PLCG2: variants seen among roughly 807,000 people sequenced by gnomAD.
PLCG2 encodes the protein 1-phosphatidylinositol 4,5-bisphosphate phosphodiesterase gamma-2.
Under a neutral mutation model 175.6 loss-of-function variants are expected in PLCG2, and 69 were observed. The observed-to-expected ratio is 0.39, with a 90% confidence interval of 0.32 to 0.48. The LOEUF is 0.48. Ranked by LOEUF, PLCG2 falls within the 20% of genes least tolerant of loss-of-function variation. The pLI is 0.91. For synonymous variants in PLCG2, 827 were observed against 624.0 expected (o/e 1.33, Z -4.85); for missense variants, 1,798 against 1,650.9 (o/e 1.09, Z -1.54).
rs1445659755 is a variant in PLCG2 at position 81,953,656 on chromosome 16, A to T, written c.3571-3039A>T. ...AAGAAATCCAGGAAATAAGTATCAC[A>T]AAATGCTTTCTCTTGACTAGAGTGG... On this transcript the variant is annotated intron_variant, in intron 31 of 32. Coordinates refer to ENST00000564138, the MANE Select transcript of PLCG2 (RefSeq NM_002661.5). Among the ~76,000 whole-genome samples the T allele has an allele frequency of 2.6e-5, 4 of 152,234 alleles. No homozygotes were observed. The East Asian group carries it at 7.7e-4, about 29-fold the overall frequency.
chr16:81,889,359 C>T, intron 10 of PLCG2, 86 bp downstream of exon 10: 2 of 752,936 alleles, frequency 2.7e-6, no homozygotes, highest in South Asian at 1.6e-5. Context: ...GTTTGTCTTT[C>T]CTTGGAGAAC....
chr16:81,850,272 AT>A (rs968922466), intron 2 of PLCG2, among the ~76,000 whole-genome samples: 1 of 152,178 alleles, frequency 6.6e-6, no homozygotes, highest in African/African-American at 2.4e-5. Context: ...AAGTGTGCTC[AT>A]TTTTTTGAGA....
intron 7 of PLCG2, among the ~76,000 whole-genome samples, chr16:81,876,016 C>CTTTTTTTTTTTTTTTT (rs547152035): frequency 4.1e-4 from 47 of 115,006 alleles, no homozygotes; most frequent in South Asian, 5.9e-4. Flanking sequence ...CTTTTTCTTT[C>CTTTTTTTTTTTTTTTT]TTTTTTTTTT....
intron 30 of PLCG2, among the ~76,000 whole-genome samples, chr16:81,943,442 G>A (rs371832603): frequency 6.6e-6 from 1 of 152,128 alleles, no homozygotes; most frequent in African/African-American, 2.4e-5. Context: ...TCACTATCAT[G>A]AGAACAGCAA....
At chr16:81,766,886 C>T (rs1267781734) in intron 2 of PLCG2, 1 of 152,242 alleles carries the variant, frequency 6.6e-6, no homozygotes, top group Non-Finnish European at 1.5e-5. Flanking sequence ...CTACAGCCCA[C>T]AGAAGATCTT....
chr16:81,900,476 G>A, intron 13 of PLCG2, 136 bp from the exon 14 acceptor site: 1 of 648,274 alleles, frequency 1.5e-6, no homozygotes, highest in Non-Finnish European at 2.5e-6. Flanking sequence ...CCTTCTGGGA[G>A]GGCAGATGTG....
intron 2 of PLCG2, among the ~76,000 whole-genome samples, chr16:81,835,183 A>G (rs541861739): frequency 2.6e-5 from 4 of 152,310 alleles, no homozygotes; most frequent in African/African-American, 9.6e-5. Flanking sequence ...TGTCTGCAAA[A>G]TGGGTATAAT....
At chr16:81,901,772 T>G (rs1233388744) in intron 14 of PLCG2, among the ~76,000 whole-genome samples, 3 of 152,256 alleles carry the variant, frequency 2.0e-5, no homozygotes, top group African/African-American at 7.2e-5. Context: ...ACTTTGGAAT[T>G]ATGGAGGTTA....
chr16:81,884,074 G>C (rs1027023917), intron 9 of PLCG2, among the ~76,000 whole-genome samples: 1 of 152,220 alleles, frequency 6.6e-6, no homozygotes, highest in Admixed American at 6.5e-5. Flanking sequence ...TTCAGGGCCG[G>C]GTAGGGTGGC....
intron 31 of PLCG2, 125 bp downstream of exon 31, chr16:81,946,388 G>A: frequency 8.6e-6 from 6 of 697,704 alleles, no homozygotes; most frequent in Non-Finnish European, 1.6e-5. Context: ...CCAAGCATGA[G>A]ACATCATACA....
chr16:81,745,591 T>C (rs146850057), intron 1 of PLCG2, among the ~76,000 whole-genome samples: 1 of 152,316 alleles, frequency 6.6e-6, no homozygotes, highest in East Asian at 1.9e-4. Flanking sequence ...ATGGGCTGCA[T>C]GTAGTTGGCT....
intron 9 of PLCG2, 63 bp downstream of exon 9, chr16:81,883,404 C>A (rs867693270): frequency 7.4e-7 from 1 of 1,355,856 alleles, no homozygotes; most frequent in African/African-American, 1.4e-5. Context: ...GGACTAGTCT[C>A]ACCCTTCTGC....
intron 2 of PLCG2, among the ~76,000 whole-genome samples, chr16:81,804,708 G>C (rs571095545): frequency 3.8e-4 from 58 of 152,228 alleles, no homozygotes; most frequent in South Asian, 1.0e-3. Flanking sequence ...TTTGGTGACC[G>C]TTTTCCCAGA....
At chr16:81,744,263 G>A (rs1011757437) in intron 1 of PLCG2, among the ~76,000 whole-genome samples, 1 of 150,726 alleles carries the variant, frequency 6.6e-6, no homozygotes, top group Non-Finnish European at 1.5e-5. Context: ...CGGCTCCTGG[G>A]TTCACGCCAT....
intron 31 of PLCG2, among the ~76,000 whole-genome samples, chr16:81,949,060 G>C (rs1207841115): frequency 6.6e-6 from 1 of 152,182 alleles, no homozygotes; most frequent in Non-Finnish European, 1.5e-5. Context: ...AAAGAGATCT[G>C]CATTAGTGAC....
chr16:81,839,963 A>C (rs1290702675), intron 2 of PLCG2, among the ~76,000 whole-genome samples: 1 of 152,192 alleles, frequency 6.6e-6, no homozygotes, highest in Non-Finnish European at 1.5e-5. Context: ...AGGCTGAGGC[A>C]GGAGGGTCCC....
At chr16:81,745,791 G>C (rs1179434781) in intron 1 of PLCG2, among the ~76,000 whole-genome samples, 1 of 152,200 alleles carries the variant, frequency 6.6e-6, no homozygotes, top group African/African-American at 2.4e-5. Context: ...CAGCAGATCT[G>C]GAGGGGCATG....
chr16:81,780,075 T>G (rs1910661618), intron 1 of PLCG2, among the ~76,000 whole-genome samples: 1 of 151,798 alleles, frequency 6.6e-6, no homozygotes. Context: ...GACGGGGAGC[T>G]CCTGGATTCC....
At chr16:81,877,548 C>T (rs550925086) in intron 7 of PLCG2, among the ~76,000 whole-genome samples, 79 of 152,388 alleles carry the variant, frequency 5.2e-4, no homozygotes, top group Non-Finnish European at 8.2e-4. Flanking sequence ...CCACACCCCT[C>T]GGAAGGCTCC....
Sources: gnomAD v4.1 joint callset for allele counts (sites outside exome capture counted in the v4.1 genomes callset) on GRCh38, gnomAD v4.1.1 for gene constraint, MANE v1.5 for transcripts, NCBI Gene and HGNC (gene_info 2026-07-23, HGNC 2026-07-21) for gene names.